DSCAM: variants seen among roughly 807,000 people sequenced by gnomAD.
DSCAM encodes the protein DS cell adhesion molecule.
Under a neutral mutation model 217.7 loss-of-function variants are expected in DSCAM, and 47 were observed. That is an observed-to-expected ratio of 0.22 (90% CI 0.17 to 0.28). The LOEUF is 0.28. Among genes scored for constraint, DSCAM ranks in the 10% least tolerant of loss-of-function variants. DSCAM has a pLI of 1.00. For synonymous variants in DSCAM, 1,056 were observed against 1,015.3 expected (o/e 1.04, Z -0.76); for missense variants, 2,080 against 2,618.3 (o/e 0.79, Z 4.49).
At chr21:40,292,343 T>C (rs1457237212) in intron 10 of DSCAM, among the ~76,000 whole-genome samples, 1 of 152,170 alleles carries the variant, frequency 6.6e-6, no homozygotes, top group Non-Finnish European at 1.5e-5. Flanking sequence ...TACAGTTTTG[T>C]CATTTATGAG....
chr21:40,133,903 T>C lies in DSCAM; in HGVS notation c.3513A>G (p.Ala1171=), dbSNP rs1394550064. Reference sequence around the variant, plus strand: ...TCTGCTCACTCCTGACCCCGTCTCCTGCGCGGGTGAAGGCCAGCACCTGGA... The same window carrying C: ...TCTGCTCACTCCTGACCCCGTCTCCCGCGCGGGTGAAGGCCAGCACCTGGA... ...YSIQVLAFTR[A]GDGVRSEQIF... Residue 1171 remains alanine, a synonymous_variant, in exon 19 of 33, where the codon GCA becomes GCG. Transcript: ENST00000400454. 6.2e-7 allele frequency: 1 copy of C among 1,613,768 alleles called. No individual in the cohort carries two copies. Among genetic ancestry groups the C allele is most frequent in the Non-Finnish European group, 8.5e-7 (1 of 1,179,828 alleles).
At chr21:40,019,811 A>C (rs1353747706) in intron 32 of DSCAM, among the ~76,000 whole-genome samples, 2 of 152,144 alleles carry the variant, frequency 1.3e-5, no homozygotes, top group African/African-American at 2.4e-5. Flanking sequence ...GTTTCAGTAA[A>C]ACCAGCTATG....
chr21:40,613,608 A>C (rs539235614), intron 3 of DSCAM, among the ~76,000 whole-genome samples: 2 of 152,286 alleles, frequency 1.3e-5, no homozygotes, highest in African/African-American at 4.8e-5. Context: ...GTTAGAATAG[A>C]GATCCGGATG....
intron 1 of DSCAM, among the ~76,000 whole-genome samples, chr21:40,728,445 T>A (rs2090979969): frequency 6.6e-6 from 1 of 151,976 alleles, no homozygotes; most frequent in Non-Finnish European, 1.5e-5. Flanking sequence ...TTGAGACAAC[T>A]TTTGCTCTTG....
chr21:40,335,700 A>C (rs1029151835), intron 8 of DSCAM, among the ~76,000 whole-genome samples: 1 of 152,228 alleles, frequency 6.6e-6, no homozygotes, highest in Non-Finnish European at 1.5e-5. Context: ...GTCAAACATT[A>C]AAAATAAACT....
At chr21:40,133,115 G>T (rs1362065707) in intron 19 of DSCAM, among the ~76,000 whole-genome samples, 1 of 152,204 alleles carries the variant, frequency 6.6e-6, no homozygotes, top group East Asian at 1.9e-4. Flanking sequence ...CTTTATTAAG[G>T]TGGAGGCTAC....
chr21:40,770,654 A>G (rs542554263), intron 1 of DSCAM, among the ~76,000 whole-genome samples: 1 of 152,330 alleles, frequency 6.6e-6, no homozygotes, highest in South Asian at 2.1e-4. Flanking sequence ...GTGCAGCTCT[A>G]AACCTTATTT....
chr21:40,682,739 G>A (rs2090423015), intron 3 of DSCAM, among the ~76,000 whole-genome samples: 1 of 1,696 alleles, frequency 5.9e-4, no homozygotes, highest in African/African-American at 3.3e-3. Flanking sequence ...GGAGGGGAGG[G>A]GAAGGGAGCG....
intron 3 of DSCAM, among the ~76,000 whole-genome samples, chr21:40,637,544 T>TATATATAAATATATAC (rs2089810223): frequency 4.7e-5 from 1 of 21,434 alleles, no homozygotes; most frequent in Non-Finnish European, 9.2e-5. Context: ...CATATATACA[T>TATATATAAATATATAC]ATATATAAAT....
intron 20 of DSCAM, among the ~76,000 whole-genome samples, chr21:40,119,782 G>A (rs1011745924): frequency 2.0e-5 from 3 of 151,980 alleles, no homozygotes; most frequent in African/African-American, 4.8e-5. Flanking sequence ...GAGGAACGAC[G>A]TTTTAATACA....
chr21:40,685,090 G>A lies in DSCAM; in HGVS notation c.508+7720C>T, dbSNP rs148537151. On this transcript the variant is annotated intron_variant, in intron 3 of 32. Coordinates refer to ENST00000400454, the MANE Select transcript of DSCAM (RefSeq NM_001389.5). ...CTTTCTTAAGGCTTGAAATACTTGG[G>A]TACAAGGCAATAAAGTACATAAAGC... Among the ~76,000 whole-genome samples the A allele has an allele frequency of 2.5e-4, 38 of 152,272 alleles. 1 individual carries two copies. The highest frequency in any genetic ancestry group is 9.1e-4 in the African/African-American group (38 of 41,550).
intron 15 of DSCAM, among the ~76,000 whole-genome samples, chr21:40,174,176 G>T (rs2090693208): frequency 1.3e-5 from 2 of 152,180 alleles, no homozygotes; most frequent in Non-Finnish European, 2.9e-5. Context: ...GGGGCTGCTG[G>T]TGCTAGGGGT....
At chr21:40,704,334 T>G (rs2090688932) in intron 2 of DSCAM, among the ~76,000 whole-genome samples, 1 of 152,196 alleles carries the variant, frequency 6.6e-6, no homozygotes, top group Non-Finnish European at 1.5e-5. Context: ...GCATTTAAAT[T>G]TCCCCCATAT....
intron 3 of DSCAM, among the ~76,000 whole-genome samples, chr21:40,561,427 G>A (rs2076719795): frequency 6.6e-6 from 1 of 152,170 alleles, no homozygotes; most frequent in African/African-American, 2.4e-5. Flanking sequence ...AAAGTTCTTA[G>A]GAATAATGTA....
chr21:40,598,690 A>G (rs2077040468), intron 3 of DSCAM, among the ~76,000 whole-genome samples: 1 of 151,688 alleles, frequency 6.6e-6, no homozygotes, highest in African/African-American at 2.4e-5. Flanking sequence ...TTTTTAGTAG[A>G]GACAGGTTGT....
intron 1 of DSCAM, among the ~76,000 whole-genome samples, chr21:40,828,683 T>C (rs2123630883): frequency 7.1e-6 from 1 of 141,794 alleles, no homozygotes; most frequent in Admixed American, 7.2e-5. Context: ...TTTGAGACAG[T>C]CTCACTCTGT....
At chr21:40,271,170 G>A (rs997714223) in intron 11 of DSCAM, among the ~76,000 whole-genome samples, 30 of 152,164 alleles carry the variant, frequency 2.0e-4, no homozygotes, top group Admixed American at 1.6e-3. Flanking sequence ...TGGGCACAGC[G>A]ACCCACAGAC....
intron 3 of DSCAM, among the ~76,000 whole-genome samples, chr21:40,533,108 G>A (rs2076462483): frequency 6.6e-6 from 1 of 152,116 alleles, no homozygotes. Context: ...GCAAAAGCAG[G>A]GAATCTGAGT....
intron 3 of DSCAM, among the ~76,000 whole-genome samples, chr21:40,463,948 A>T (rs545570894): frequency 1.3e-5 from 2 of 151,534 alleles, no homozygotes; most frequent in Non-Finnish European, 2.9e-5. Context: ...TCCCCCTCTA[A>T]CCTCTCACCT....
Sources: gnomAD v4.1 joint callset for allele counts (sites outside exome capture counted in the v4.1 genomes callset) on GRCh38, gnomAD v4.1.1 for gene constraint, MANE v1.5 for transcripts, NCBI Gene and HGNC (gene_info 2026-07-23, HGNC 2026-07-21) for gene names.